Variants in EDAR observed in about 807,000 individuals in gnomAD.
EDAR encodes tumor necrosis factor receptor superfamily member EDAR.
A neutral mutation model predicts 51.3 loss-of-function variants in EDAR; 38 were observed. The ratio of observed to expected loss-of-function variants is 0.74; its 90% confidence interval spans 0.57 to 0.97. EDAR has a LOEUF of 0.97. EDAR is among the 50% of genes least tolerant of loss of function. The pLI, the probability that EDAR is intolerant of heterozygous loss-of-function variation, is 0.00. For synonymous variants in EDAR, 227 were observed against 242.1 expected (o/e 0.94, Z 0.58); for missense variants, 528 against 595.0 (o/e 0.89, Z 1.17).
At chr2:108,971,153 G>A (rs1698225192) in intron 1 of EDAR, among the ~76,000 whole-genome samples, 1 of 152,180 alleles carries the variant, frequency 6.6e-6, no homozygotes, top group Non-Finnish European at 1.5e-5. Flanking sequence ...GTCAGACCCT[G>A]ATGGTGCTGG....
chr2:108,947,155 C>T (rs1008440730), intron 1 of EDAR, among the ~76,000 whole-genome samples: 14 of 152,292 alleles, frequency 9.2e-5, no homozygotes, highest in East Asian at 1.9e-4. Context: ...GAAACCTGGC[C>T]GGGCAGTCAT....
At chr2:108,976,283 C>T (rs1235353916) in intron 1 of EDAR, among the ~76,000 whole-genome samples, 1 of 152,198 alleles carries the variant, frequency 6.6e-6, no homozygotes, top group African/African-American at 2.4e-5. Context: ...TAGAATCCTC[C>T]TCAACTGAGA....
chr2:108,961,256 C>CAGGAA (rs1698034553), intron 1 of EDAR, among the ~76,000 whole-genome samples: 1 of 152,226 alleles, frequency 6.6e-6, no homozygotes, highest in African/African-American at 2.4e-5. Context: ...GGAAAGGGAA[C>CAGGAA]AGTTGCCAGT....
chr2:108,915,774 G>A (rs1004985494), intron 5 of EDAR, among the ~76,000 whole-genome samples: 1 of 152,130 alleles, frequency 6.6e-6, no homozygotes, highest in Admixed American at 6.6e-5. Flanking sequence ...GCAGGTGCCT[G>A]TAATCCCAGC....
rs541895613 is a variant in EDAR at position 108,943,018 on chromosome 2, G to C, written c.-18-11986C>G. Among the ~76,000 whole-genome samples the C allele has an allele frequency of 1.2e-3, 184 of 152,294 alleles. 1 individual carries two copies. The highest frequency in any genetic ancestry group is 9.7e-4 in the Non-Finnish European group (66 of 68,024). On this transcript the variant is annotated intron_variant, in intron 1 of 11. Transcript: ENST00000258443. ...TGGCGTTTCACCGGGCAGGTGACCCGCATGGTGCAGGGCTATAAATAACCA... is the reference window on the plus strand; with the variant it reads ...TGGCGTTTCACCGGGCAGGTGACCCCCATGGTGCAGGGCTATAAATAACCA...
chr2:108,925,707 T>C (rs985215026), intron 4 of EDAR, among the ~76,000 whole-genome samples: 5 of 152,078 alleles, frequency 3.3e-5, no homozygotes, highest in African/African-American at 9.7e-5. Flanking sequence ...AACTTCCGCC[T>C]CCCAGGTGCA....
intron 1 of EDAR, among the ~76,000 whole-genome samples, chr2:108,961,777 T>C (rs534666819): frequency 6.6e-6 from 1 of 152,152 alleles, no homozygotes; most frequent in South Asian, 2.1e-4. Context: ...ATGTGTTGGG[T>C]CTTTTAACCT....
At chr2:108,910,425 C>G (rs1172205454) in intron 9 of EDAR, 35 bp downstream of exon 9, 3 of 1,575,332 alleles carry the variant, frequency 1.9e-6, no homozygotes. Flanking sequence ...CCACAGGACC[C>G]CAGCTTCAGC....
chr2:108,939,949 G>A (rs1282545223), intron 1 of EDAR, among the ~76,000 whole-genome samples: 1 of 152,212 alleles, frequency 6.6e-6, no homozygotes, highest in Non-Finnish European at 1.5e-5. Flanking sequence ...CTGCATGAAC[G>A]TGTCTCAGTG....
chr2:108,916,458 C>T (rs1697029677), intron 5 of EDAR, among the ~76,000 whole-genome samples: 2 of 152,286 alleles, frequency 1.3e-5, no homozygotes, highest in South Asian at 4.1e-4. Context: ...GGGCTGGTTA[C>T]ACAATGACGT....
intron 1 of EDAR, among the ~76,000 whole-genome samples, chr2:108,963,738 T>A (rs1223920410): frequency 6.6e-6 from 1 of 152,354 alleles, no homozygotes; most frequent in East Asian, 1.9e-4. Flanking sequence ...TCCCAGGCTA[T>A]GGGTATCACA....
At chr2:108,956,587 G>T (rs545571602) in intron 1 of EDAR, among the ~76,000 whole-genome samples, 1 of 152,304 alleles carries the variant, frequency 6.6e-6, no homozygotes, top group Admixed American at 6.5e-5. Flanking sequence ...CTGGTTAGAT[G>T]GTTGACTGAC....
At chr2:108,919,962 C>T (rs578261943) in intron 5 of EDAR, among the ~76,000 whole-genome samples, 1 of 152,340 alleles carries the variant, frequency 6.6e-6, no homozygotes, top group South Asian at 2.1e-4. Flanking sequence ...TCCACACACA[C>T]AGCCTTCATC....
chr2:108,986,989 C>T (rs1038733603), intron 1 of EDAR, among the ~76,000 whole-genome samples: 2 of 152,086 alleles, frequency 1.3e-5, no homozygotes, highest in African/African-American at 2.4e-5. Flanking sequence ...ATCAAAGGAA[C>T]GAGCAGGCAG....
At chr2:108,906,198 G>T in intron 11 of EDAR, 110 bp downstream of exon 11, 2 of 1,137,820 alleles carry the variant, frequency 1.8e-6, no homozygotes, top group Non-Finnish European at 2.7e-6. Flanking sequence ...TGCGGCAACT[G>T]GATGGGCGGC....
intron 1 of EDAR, among the ~76,000 whole-genome samples, chr2:108,946,597 G>A (rs1181242092): frequency 6.6e-6 from 1 of 152,194 alleles, no homozygotes; most frequent in Non-Finnish European, 1.5e-5. Flanking sequence ...AGTTCCACAT[G>A]GCTGGCAGGC....
At chr2:108,932,389 C>T (rs1436461017) in intron 1 of EDAR, among the ~76,000 whole-genome samples, 2 of 151,606 alleles carry the variant, frequency 1.3e-5, no homozygotes, top group Non-Finnish European at 2.9e-5. Context: ...ATTACCCGGG[C>T]ATGGTGGTGG....
At chr2:108,980,495 T>C (rs1386252143) in intron 1 of EDAR, among the ~76,000 whole-genome samples, 1 of 151,880 alleles carries the variant, frequency 6.6e-6, no homozygotes, top group African/African-American at 2.4e-5. Context: ...ATAATACTTA[T>C]GTGATATTAT....
intron 1 of EDAR, among the ~76,000 whole-genome samples, chr2:108,963,208 C>T (rs1422160245): frequency 6.6e-6 from 1 of 152,150 alleles, no homozygotes; most frequent in African/African-American, 2.4e-5. Context: ...TGAAGTTTTA[C>T]ATGATGTATT....
Sources: gnomAD v4.1 joint callset for allele counts (sites outside exome capture counted in the v4.1 genomes callset) on GRCh38, gnomAD v4.1.1 for gene constraint, MANE v1.5 for transcripts, NCBI Gene and HGNC (gene_info 2026-07-23, HGNC 2026-07-21) for gene names.